The following PAK1 variants were observed in gnomAD, a reference collection of about 807,000 sequenced individuals.
PAK1 encodes p21 (RAC1) activated kinase 1, also known as serine/threonine-protein kinase PAK 1.
In PAK1, 29 loss-of-function variants were observed where a neutral mutation model predicts 67.4. That is an observed-to-expected ratio of 0.43 (90% CI 0.32 to 0.59). The LOEUF (loss-of-function observed/expected upper bound fraction) is 0.59. PAK1 is among the 20% of genes least tolerant of loss of function. The probability of loss-of-function intolerance (pLI) is 0.07; values close to 1 mark genes in which losing one functional copy is unlikely to be tolerated. For synonymous variants in PAK1, 223 were observed against 237.4 expected (o/e 0.94, Z 0.56); for missense variants, 337 against 670.7 (o/e 0.50, Z 5.50).
upstream of PAK1, among the ~76,000 whole-genome samples, chr11:77,478,520 C>T (rs1281278891): frequency 6.6e-6 from 1 of 152,114 alleles, no homozygotes; most frequent in Non-Finnish European, 1.5e-5. Flanking sequence ...AGCCTGTAAT[C>T]CTAGCACTTT....
At chr11:77,335,729 G>A (rs1393316678) in intron 13 of PAK1, among the ~76,000 whole-genome samples, 1 of 152,100 alleles carries the variant, frequency 6.6e-6, no homozygotes, top group East Asian at 1.9e-4. Flanking sequence ...TAACTTATAA[G>A]AGAGAACTTC....
intron 5 of PAK1, among the ~76,000 whole-genome samples, chr11:77,368,656 T>A (rs527568607): frequency 2.7e-5 from 4 of 146,078 alleles, no homozygotes; most frequent in Non-Finnish European, 6.1e-5. Flanking sequence ...TAATAATATT[T>A]TTTATTTATT....
intron 8 of PAK1, among the ~76,000 whole-genome samples, chr11:77,352,780 A>G (rs1381265167): frequency 6.6e-6 from 1 of 152,196 alleles, no homozygotes; most frequent in Non-Finnish European, 1.5e-5. Context: ...TCAGTACAGT[A>G]ACATGCTGTA....
At chr11:77,335,957 C>G in intron 13 of PAK1, 129 bp downstream of exon 13, 1 of 521,970 alleles carries the variant, frequency 1.9e-6, no homozygotes, top group Admixed American at 3.0e-5. Context: ...ACTTTAAGTT[C>G]AACAGTGACT....
intron 1 of PAK1, among the ~76,000 whole-genome samples, chr11:77,464,825 A>G (rs1280520340): frequency 1.3e-5 from 2 of 152,250 alleles, no homozygotes; most frequent in African/African-American, 4.8e-5. Context: ...TGAATATCTC[A>G]TGTAATTTAT....
rs561865279 is a variant in PAK1 at position 77,369,651 on chromosome 11, T to C, written c.477+4677A>G. Among the ~76,000 whole-genome samples the C allele has an allele frequency of 2.5e-3, 375 of 152,012 alleles. 2 individuals are homozygous for C. Among genetic ancestry groups the C allele is most frequent in the Non-Finnish European group, 3.7e-3 (251 of 67,958 alleles). The stretch of plus-strand genomic sequence containing the variant: ...TTAGTAGAGATGGGGTTTCACCATG[T>C]TGGCCAGGCTGGTCTCGAACTCCTG... On this transcript the variant is annotated intron_variant, in intron 5 of 14. Coordinates refer to ENST00000356341, the MANE Select transcript of PAK1 (RefSeq NM_002576.5).
intron 5 of PAK1, among the ~76,000 whole-genome samples, chr11:77,367,965 G>A (rs1591990994): frequency 6.6e-6 from 1 of 152,316 alleles, no homozygotes; most frequent in Non-Finnish European, 1.5e-5. Flanking sequence ...GTGACAGAAC[G>A]AGACTCCGTC....
At chr11:77,353,482 C>G in intron 8 of PAK1, 54 bp downstream of exon 8, 1 of 1,300,354 alleles carries the variant, frequency 7.7e-7, no homozygotes, top group Admixed American at 1.7e-5. Flanking sequence ...TCATATATGC[C>G]GGCACACACA....
intron 1 of PAK1, among the ~76,000 whole-genome samples, chr11:77,393,988 G>A (rs1951504190): frequency 6.6e-6 from 1 of 152,112 alleles, no homozygotes; most frequent in Non-Finnish European, 1.5e-5. Flanking sequence ...GGGTGACAGA[G>A]GGAGACTCTG....
Position 77,355,783 on chromosome 11 carries a change from T to C in PAK1, c.657A>G (p.Thr219=), listed in dbSNP as rs748172618. The C allele has an allele frequency of 1.2e-5, 19 of 1,613,492 alleles. No homozygotes were observed. Among genetic ancestry groups the C allele is most frequent in the Non-Finnish European group, 1.5e-5 (18 of 1,179,630 alleles). Residue 219 remains threonine (T), a synonymous_variant, in exon 7 of 15, where the codon ACA becomes ACG. Transcript: ENST00000356341. ...LPVTPTRDVA[T]SPISPTENNT... ...TATTTTCAGTAGGTGAAATGGGAGA[T>C]GTAGCCACGTCCCGAGTTGGAGTGA... is the stretch of plus-strand genomic sequence containing the variant.
intron 1 of PAK1, among the ~76,000 whole-genome samples, chr11:77,407,236 C>T (rs938261489): frequency 6.6e-6 from 1 of 152,162 alleles, no homozygotes; most frequent in African/African-American, 2.4e-5. Flanking sequence ...TAAGAAGTCA[C>T]TAAAAGTATC....
chr11:77,365,598 T>G (rs1947443030), intron 5 of PAK1, among the ~76,000 whole-genome samples: 2 of 152,026 alleles, frequency 1.3e-5, no homozygotes, highest in South Asian at 4.1e-4. Context: ...TTTGGGAGGC[T>G]GAGGCAGGCG....
the PAK1 span, among the ~76,000 whole-genome samples, chr11:77,490,533 C>T: frequency 5.2e-3 from 781 of 149,232 alleles, 11 homozygotes; most frequent in African/African-American, 0.019. Flanking sequence ...CCCGGCCAGC[C>T]GCCCCGTCTG....
At chr11:77,387,881 A>C (rs919963807) in intron 2 of PAK1, among the ~76,000 whole-genome samples, 1 of 152,330 alleles carries the variant, frequency 6.6e-6, no homozygotes. Context: ...AAGACTACCA[A>C]CACTGCTGTG....
the PAK1 span, among the ~76,000 whole-genome samples, chr11:77,514,362 G>A: frequency 6.6e-6 from 1 of 152,094 alleles, no homozygotes; most frequent in Admixed American, 6.6e-5. Flanking sequence ...GGGTGTAGTG[G>A]CGGACACCTG....
At chr11:77,367,757 T>A (rs1338047384) in intron 5 of PAK1, among the ~76,000 whole-genome samples, 1 of 152,110 alleles carries the variant, frequency 6.6e-6, no homozygotes, top group Non-Finnish European at 1.5e-5. Context: ...GGCGGGCAGA[T>A]CACAACCTCA....
chr11:77,501,155 A>AAAAAAAAAAC, the PAK1 span, among the ~76,000 whole-genome samples: 7 of 148,572 alleles, frequency 4.7e-5, no homozygotes, highest in Non-Finnish European at 7.4e-5. Context: ...CGTCTCAAAA[A>AAAAAAAAAAC]AAAAAACAAA....
intron 2 of PAK1, among the ~76,000 whole-genome samples, chr11:77,387,169 T>C (rs891808070): frequency 6.6e-6 from 1 of 151,010 alleles, no homozygotes; most frequent in Non-Finnish European, 1.5e-5. Flanking sequence ...GCCGCCCAGA[T>C]TCAAGCGATT....
intron 1 of PAK1, among the ~76,000 whole-genome samples, chr11:77,473,107 A>C (rs1310542068): frequency 6.6e-6 from 1 of 152,214 alleles, no homozygotes; most frequent in Non-Finnish European, 1.5e-5. Context: ...GTGACTGTCC[A>C]AGCCTGGAAG....
Sources: gnomAD v4.1 joint callset for allele counts (sites outside exome capture counted in the v4.1 genomes callset) on GRCh38, gnomAD v4.1.1 for gene constraint, MANE v1.5 for transcripts, NCBI Gene and HGNC (gene_info 2026-07-23, HGNC 2026-07-21) for gene names.